The following COG5 variants were observed in gnomAD, a reference collection of about 807,000 sequenced individuals.
COG5 encodes the protein conserved oligomeric Golgi complex subunit 5.
Under a neutral mutation model 110.4 loss-of-function variants are expected in COG5, and 86 were observed. The observed-to-expected ratio is 0.78, with a 90% CI of 0.65 to 0.93. COG5 has a LOEUF of 0.93. Among genes scored for constraint, COG5 ranks in the 40% least tolerant of loss-of-function variants. The probability of loss-of-function intolerance (pLI) is 0.00; values close to 1 mark genes in which losing one functional copy is unlikely to be tolerated. For synonymous variants in COG5, 360 were observed against 334.6 expected, an observed-to-expected ratio of 1.08 and a Z score of -0.83; for missense variants, 1,077 against 987.0, an observed-to-expected ratio of 1.09 and a Z score of -1.22.
intron 5 of COG5, among the ~76,000 whole-genome samples, chr7:107,538,475 T>TA (rs373125781): frequency 6.6e-6 from 1 of 152,146 alleles, no homozygotes; most frequent in African/African-American, 2.4e-5. Flanking sequence ...TTTCGCCTAT[T>TA]AAACTTCCAC....
chr7:107,522,206 C>T (rs576614242), intron 6 of COG5, among the ~76,000 whole-genome samples: 2 of 152,294 alleles, frequency 1.3e-5, no homozygotes, highest in South Asian at 2.1e-4. Context: ...CAGTGGCTCA[C>T]GCCTGTAATC....
intron 6 of COG5, among the ~76,000 whole-genome samples, chr7:107,416,509 T>C (rs1792857657): frequency 1.3e-5 from 2 of 152,174 alleles, no homozygotes; most frequent in South Asian, 2.1e-4. Flanking sequence ...AGATAGCAGA[T>C]ACGTTATTCT....
At chr7:107,428,593 C>G (rs909082955) in intron 6 of COG5, among the ~76,000 whole-genome samples, 2 of 152,180 alleles carry the variant, frequency 1.3e-5, no homozygotes, top group African/African-American at 4.8e-5. Flanking sequence ...AACTTCTAGC[C>G]TCCAGAACTA....
At chr7:107,555,689 A>C (rs748560163) in intron 2 of COG5, among the ~76,000 whole-genome samples, 1 of 152,132 alleles carries the variant, frequency 6.6e-6, no homozygotes, top group Non-Finnish European at 1.5e-5. Flanking sequence ...CAATTAAATG[A>C]TTTTTCCAAG....
intron 5 of COG5, among the ~76,000 whole-genome samples, chr7:107,540,491 T>C (rs550651758): frequency 2.2e-4 from 34 of 151,504 alleles, no homozygotes; most frequent in African/African-American, 7.5e-4. Context: ...GGCAGGAGGA[T>C]TGCTTGAGCC....
chr7:107,213,862 A>C (rs932252057), intron 19 of COG5, among the ~76,000 whole-genome samples: 2 of 152,242 alleles, frequency 1.3e-5, no homozygotes, highest in African/African-American at 4.8e-5. Flanking sequence ...GATTATGAAG[A>C]ACTAGCGGAA....
rs890863976 is a variant in COG5, at chr7:107,202,138, T to G, written c.*1378A>C. On this transcript the variant is annotated 3_prime_UTR_variant, in exon 22 of 22. Transcript: ENST00000297135. ...GTTAATAGCATTGGGATATAGTCAC[T>G]GTAATGGTGCTATTAACAAACAGTC... 2 of 152,712 alleles carry G rather than the reference T, an allele frequency of 1.3e-5. No individual in the cohort carries two copies. Among genetic ancestry groups the G allele is most frequent in the African/African-American group, 2.4e-5 (1 of 41,480 alleles). 9.5% of individuals were successfully genotyped at this position (152,712 alleles called of 1,614,324 possible).
chr7:107,557,982 G>C lies in COG5; in HGVS notation c.228C>G (p.His76Gln). 1 of 1,613,988 alleles carries C rather than the reference G, an allele frequency of 6.2e-7. No individual in the cohort carries two copies. The highest frequency in any genetic ancestry group is 8.5e-7 in the Non-Finnish European group (1 of 1,179,944). Residue 76 changes from histidine (H) to glutamine (Q), a missense_variant, in exon 2 of 22, where the codon CAC becomes CAG. His to Gln is a conservative substitution (Grantham distance 24). Coordinates refer to ENST00000297135, the MANE Select transcript of COG5 (RefSeq NM_006348.5). ...CCCAGAAGATCAGAATTACCTGTAA[G>C]TGTAGTTCTCTGTCCAACTGACTGA... Reference protein sequence around the residue: ...QGISQLDRELHLQVVARHEDL... With the variant: ...QGISQLDRELQLQVVARHEDL...
chr7:107,545,794 AAAAAAG>A lies in COG5; in HGVS notation c.417+2311_417+2316del, dbSNP rs1225189670. Among the ~76,000 whole-genome samples, 6 of 150,970 alleles carry A rather than the reference AAAAAAG, an allele frequency of 4.0e-5. No individual in the cohort carries two copies. In the South Asian group the frequency reaches 8.4e-4, roughly 21 times the overall value. On this transcript the variant is annotated intron_variant, in intron 5 of 21. Transcript: ENST00000297135. ...GACTCCATCTCAAAAAAAAAAAAAA[AAAAAAG>A]AAAAGAAAAGAAAGAAAAAAACCAA...
chr7:107,366,619 C>T (rs938957732), intron 8 of COG5, among the ~76,000 whole-genome samples: 2 of 152,056 alleles, frequency 1.3e-5, no homozygotes, highest in East Asian at 3.8e-4. Context: ...AAAAGCAAGT[C>T]AGGTAGTGTG....
At chr7:107,225,787 A>G (rs1800289791) in intron 19 of COG5, among the ~76,000 whole-genome samples, 1 of 152,246 alleles carries the variant, frequency 6.6e-6, no homozygotes, top group Admixed American at 6.5e-5. Flanking sequence ...TCTTGCCTGT[A>G]ATCCCAACAC....
At chr7:107,260,061 G>T (rs916835861) in intron 14 of COG5, among the ~76,000 whole-genome samples, 5 of 120,240 alleles carry the variant, frequency 4.2e-5, no homozygotes, top group African/African-American at 1.3e-4. Flanking sequence ...TGACACAGCA[G>T]TTCAACTCCT....
chr7:107,553,856 CACTT>C lies in COG5; in HGVS notation c.292+425_292+428del, dbSNP rs776452460. Reference sequence around the variant, plus strand: ...TGTTTTTATTGTTTTAATTAACTAACACTTACAGGTGCACTAAATATGTGCAGGC... The same window carrying C: ...TGTTTTTATTGTTTTAATTAACTAACACAGGTGCACTAAATATGTGCAGGC... On this transcript the variant is annotated intron_variant, in intron 3 of 21. Transcript: ENST00000297135. 8.5e-5 allele frequency among the ~76,000 whole-genome samples: 13 copies of C among 152,280 alleles called. No individual in the cohort carries two copies. The South Asian group carries it at 1.7e-3, about 19-fold the overall frequency.
intron 21 of COG5, among the ~76,000 whole-genome samples, chr7:107,207,264 A>G (rs1798852082): frequency 6.6e-6 from 1 of 152,192 alleles, no homozygotes; most frequent in African/African-American, 2.4e-5. Flanking sequence ...ATAGGTAGCT[A>G]GTGACATGGT....
chr7:107,210,289 C>T, intron 21 of COG5: 1 of 1,407,848 alleles, frequency 7.1e-7, no homozygotes, highest in Admixed American at 2.9e-5. Context: ...GCATGGGACA[C>T]AGGATTGCAC....
chr7:107,547,096 T>C (rs1284239508), intron 5 of COG5, among the ~76,000 whole-genome samples: 1 of 152,164 alleles, frequency 6.6e-6, no homozygotes, highest in Non-Finnish European at 1.5e-5. Flanking sequence ...AGGTCAATAT[T>C]CCTGATCAAC....
rs753346082 is a variant in COG5 at position 107,563,776 on chromosome 7, C to T, written c.94+27G>A. 2.5e-6 allele frequency: 4 copies of T among 1,613,138 alleles called. No individual in the cohort carries two copies. In the Admixed American group the frequency reaches 6.7e-5, roughly 27 times the overall value. On this transcript the variant is annotated intron_variant, in intron 1 of 21. Transcript: ENST00000297135. ...GGAGCAGCGCAGACCCCCAACCCCA[C>T]GACCTGGTCAGACCCCGTCTCCTTA...
chr7:107,484,854 A>C (rs1178787222), intron 6 of COG5, among the ~76,000 whole-genome samples: 5 of 147,858 alleles, frequency 3.4e-5, no homozygotes, highest in Non-Finnish European at 7.4e-5. Context: ...CTTGAATGTT[A>C]AAACAGTGGA....
At chr7:107,412,275 T>G (rs945452638) in intron 7 of COG5, among the ~76,000 whole-genome samples, 46 of 152,250 alleles carry the variant, frequency 3.0e-4, no homozygotes, top group Non-Finnish European at 3.7e-4. Context: ...CATTTCATGT[T>G]ATATACATTA....
Sources: allele counts gnomAD v4.1 joint callset (sites outside exome capture counted in the v4.1 genomes callset), GRCh38; gene constraint gnomAD v4.1.1; transcripts MANE v1.5; gene names NCBI Gene and HGNC (gene_info 2026-07-23, HGNC 2026-07-21).